The following OLAH variants were observed in gnomAD, a reference collection of about 807,000 sequenced individuals.
The protein encoded by OLAH is oleoyl-ACP hydrolase, also known as S-acyl fatty acid synthase thioesterase, medium chain.
In OLAH, 33 loss-of-function variants were observed where a neutral mutation model predicts 27.8. The observed-to-expected ratio is 1.19, with a 90% confidence interval of 0.90 to 1.59. The LOEUF is 1.59. Among genes scored for constraint, OLAH ranks in the 40% most tolerant of loss-of-function variants. OLAH has a pLI of 0.00. For synonymous variants in OLAH, 120 were observed against 102.9 expected, an observed-to-expected ratio of 1.17 and a Z score of -1.01; for missense variants, 359 against 310.8, an observed-to-expected ratio of 1.16 and a Z score of -1.17.
intron 3 of OLAH, among the ~76,000 whole-genome samples, chr10:15,054,148 C>T (rs1844201173): frequency 6.6e-6 from 1 of 151,650 alleles, no homozygotes; most frequent in Non-Finnish European, 1.5e-5. Flanking sequence ...AAGCAATTCT[C>T]CTGCCTCAAC....
At chr10:15,060,642 A>T (rs1844344481) in intron 3 of OLAH, among the ~76,000 whole-genome samples, 1 of 152,090 alleles carries the variant, frequency 6.6e-6, no homozygotes, top group Non-Finnish European at 1.5e-5. Context: ...TTCTGTTCTT[A>T]TCATGTTCAT....
intron 3 of OLAH, among the ~76,000 whole-genome samples, chr10:15,060,106 T>C (rs978069845): frequency 2.0e-5 from 3 of 152,200 alleles, no homozygotes; most frequent in Admixed American, 6.5e-5. Context: ...GATCGATTTA[T>C]AGTGTACCAC....
intron 5 of OLAH, 54 bp downstream of exon 5, chr10:15,064,556 AT>A: frequency 1.0e-6 from 1 of 1,000,106 alleles, no homozygotes; most frequent in Non-Finnish European, 1.5e-6. Context: ...GGAAATGGGG[AT>A]AAAAATAAGC....
upstream of OLAH, among the ~76,000 whole-genome samples, chr10:15,040,668 C>A (rs1390192493): frequency 2.7e-5 from 4 of 148,876 alleles, no homozygotes; most frequent in South Asian, 2.3e-4. Flanking sequence ...CCGTTTTCTA[C>A]TCCTATTCAT....
intron 1 of OLAH, among the ~76,000 whole-genome samples, chr10:15,044,605 C>T (rs950494975): frequency 2.6e-5 from 4 of 151,956 alleles, no homozygotes; most frequent in African/African-American, 9.7e-5. Flanking sequence ...AAAGTATATC[C>T]TTTAACGTTT....
chr10:15,047,654 G>A (rs537001251), intron 2 of OLAH, among the ~76,000 whole-genome samples: 14 of 152,116 alleles, frequency 9.2e-5, no homozygotes, highest in Admixed American at 3.3e-4. Context: ...GCAGTGAGAC[G>A]AGATCGCGCC....
At chr10:15,039,975 T>C (rs1232954626), upstream of OLAH, among the ~76,000 whole-genome samples, 1 of 152,232 alleles carries the variant, frequency 6.6e-6, no homozygotes, top group East Asian at 1.9e-4. Flanking sequence ...CACAAAAGCC[T>C]GTGCTTGGGT....
rs1311015361 is a variant in OLAH at position 15,056,747 on chromosome 10, C to T, written c.164-4977C>T. On this transcript the variant is annotated intron_variant, in intron 3 of 7. Transcript: ENST00000378228. Reference sequence around the variant, plus strand: ...TCAGCCTCAAGTGATCCTCCCACCTCAGCCTCCTGAGTAGCTGGGACTACA... The same window carrying T: ...TCAGCCTCAAGTGATCCTCCCACCTTAGCCTCCTGAGTAGCTGGGACTACA... 3.9e-6 allele frequency: 5 copies of T among 1,270,764 alleles called. No homozygotes were observed. In the East Asian group the frequency reaches 1.2e-4, roughly 31 times the overall value. The allele number at this position is 1,270,764 out of a possible 1,614,324, so 78.7% of individuals were successfully genotyped here.
At chr10:15,065,897 T>G (rs1292043096) in intron 6 of OLAH, 144 bp downstream of exon 6, 2 of 675,756 alleles carry the variant, frequency 3.0e-6, no homozygotes, top group South Asian at 4.0e-5. Flanking sequence ...ACCTATGGTA[T>G]GTATACTGGT....
At chr10:15,066,900 A>C (rs1374346978) in intron 6 of OLAH, among the ~76,000 whole-genome samples, 1 of 152,134 alleles carries the variant, frequency 6.6e-6, no homozygotes, top group Non-Finnish European at 1.5e-5. Flanking sequence ...TCAGCCTCCC[A>C]AAGTATTGGG....
In OLAH at chr10:15,065,587, A is replaced by C. The variant is rs1191891911; in HGVS notation, c.406A>C (p.Lys136Gln). Reference sequence around the variant, plus strand: ...GTGTTGTTGTTCATGTTTCAAGTCAAAGGCCTGGCATCGCATTCCCAAAGA... The same window carrying C: ...GTGTTGTTGTTCATGTTTCAAGTCACAGGCCTGGCATCGCATTCCCAAAGA... ...FLSSATPVHS[K>Q]AWHRIPKDDE... Residue 136 changes from lysine (K) to glutamine (Q), a missense_variant, in exon 6 of 8, where the codon AAG becomes CAG. Transcript: ENST00000378228. 3 of 1,608,378 alleles carry C rather than the reference A, an allele frequency of 1.9e-6. No homozygotes were observed. Among genetic ancestry groups the C allele is most frequent in the Admixed American group, 3.4e-5 (2 of 58,358 alleles).
At chr10:15,061,961 T>C (rs1844376493) in intron 4 of OLAH, 99 bp downstream of exon 4, 4 of 1,171,094 alleles carry the variant, frequency 3.4e-6, no homozygotes, top group Non-Finnish European at 3.6e-6. Flanking sequence ...CATACCTTTG[T>C]ATTGGTTAGA....
intron 3 of OLAH, among the ~76,000 whole-genome samples, chr10:15,056,304 C>G (rs536145802): frequency 6.6e-6 from 1 of 151,924 alleles, no homozygotes; most frequent in African/African-American, 2.4e-5. Context: ...TATACATGTA[C>G]GAGAGAGTCT....
At position 15,054,728 on chromosome 10, in the gene OLAH, A is replaced by G. The variant is rs189027149; in HGVS notation, c.163+4963A>G. Among the ~76,000 whole-genome samples, 263 of 152,156 alleles carry G rather than the reference A, an allele frequency of 1.7e-3. 4 individuals are homozygous for G. Among genetic ancestry groups the G allele is most frequent in the African/African-American group, 5.3e-3 (222 of 41,512 alleles). ...TACTCCATATCTAATTCAATACAGC[A>G]CTTTGCATCCACTGTGTTGTGGGCA... On this transcript the variant is annotated intron_variant, in intron 3 of 7. Coordinates refer to ENST00000378228, the MANE Select transcript of OLAH (RefSeq NM_001039702.3).
chr10:15,040,274 A>G (rs1432107152), upstream of OLAH, among the ~76,000 whole-genome samples: 1 of 152,030 alleles, frequency 6.6e-6, no homozygotes, highest in Non-Finnish European at 1.5e-5. Flanking sequence ...TGCCAGTCTC[A>G]TGCTTGGGTC....
chr10:15,049,981 C>A (rs546160082), intron 3 of OLAH, among the ~76,000 whole-genome samples: 2 of 152,304 alleles, frequency 1.3e-5, no homozygotes, highest in South Asian at 4.1e-4. Flanking sequence ...TAGGAGATGA[C>A]GTTCTAATAC....
chr10:15,065,192 G>T (rs925219678), intron 5 of OLAH, among the ~76,000 whole-genome samples: 2 of 152,144 alleles, frequency 1.3e-5, no homozygotes, highest in Admixed American at 6.5e-5. Context: ...AACTGGATCA[G>T]AACCAGGAAA....
chr10:15,043,144 G>A (rs1247408652), upstream of OLAH, among the ~76,000 whole-genome samples: 1 of 152,046 alleles, frequency 6.6e-6, no homozygotes, highest in Non-Finnish European at 1.5e-5. Context: ...ACAGGTGTGA[G>A]CCACCGCGTC....
chr10:15,043,166 G>A (rs999936975), upstream of OLAH, among the ~76,000 whole-genome samples: 3 of 151,750 alleles, frequency 2.0e-5, no homozygotes, highest in African/African-American at 4.8e-5. Flanking sequence ...AGCCATCCAC[G>A]TGTCTTTTAG....
Sources: gnomAD v4.1 joint callset for allele counts (sites outside exome capture counted in the v4.1 genomes callset) on GRCh38, gnomAD v4.1.1 for gene constraint, MANE v1.5 for transcripts, NCBI Gene and HGNC (gene_info 2026-07-23, HGNC 2026-07-21) for gene names.